Variants in CIAPIN1 observed in about 807,000 individuals in gnomAD.
CIAPIN1 encodes the protein cytokine induced apoptosis inhibitor 1.
In CIAPIN1, 18 loss-of-function variants were observed where a neutral mutation model predicts 34.3. The ratio of observed to expected loss-of-function variants is 0.52; its 90% CI spans 0.36 to 0.78. The LOEUF is 0.78. Among genes scored for constraint, CIAPIN1 ranks in the 30% least tolerant of loss-of-function variants. The pLI is 0.00. For synonymous variants in CIAPIN1, 131 were observed against 140.4 expected, an observed-to-expected ratio of 0.93 and a Z score of 0.47; for missense variants, 310 against 372.5, an observed-to-expected ratio of 0.83 and a Z score of 1.38.
At position 57,436,676 on chromosome 16, in the gene CIAPIN1, C is replaced by A; in HGVS notation, c.367G>T (p.Gly123Cys). 1 of 1,613,794 alleles carries A rather than the reference C, an allele frequency of 6.2e-7. No individual in the cohort carries two copies. The highest frequency in any genetic ancestry group is 8.5e-7 in the Non-Finnish European group (1 of 1,179,762). ...CGTACCTCTTTCACTTCCACAAGAC[C>A]AGAAAGAGTCAGGGCTGAACACAGC... ...SKLCSALTLS[G>C]LVEVKELQRE... is the part of the protein sequence containing the mutation. Residue 123 changes from glycine to cysteine, a missense_variant, in exon 4 of 9, where the codon GGT becomes TGT. Coordinates refer to ENST00000394391, the MANE Select transcript of CIAPIN1 (RefSeq NM_020313.4).
intron 1 of CIAPIN1, 109 bp downstream of exon 1, chr16:57,447,233 A>C: frequency 2.8e-6 from 1 of 361,852 alleles, no homozygotes; most frequent in Non-Finnish European, 4.9e-6. Flanking sequence ...CTGCGTTCCC[A>C]TCGAGGAACG....
At chr16:57,443,580 C>A (rs2029932995) in intron 1 of CIAPIN1, among the ~76,000 whole-genome samples, 1 of 152,214 alleles carries the variant, frequency 6.6e-6, no homozygotes, top group South Asian at 2.1e-4. Flanking sequence ...GCCTCAGCCT[C>A]CCAAGTAGCT....
intron 2 of CIAPIN1, among the ~76,000 whole-genome samples, chr16:57,440,270 T>C (rs537627990): frequency 1.3e-5 from 2 of 152,340 alleles, no homozygotes; most frequent in African/African-American, 2.4e-5. Context: ...CCTGATAAGA[T>C]GTTATCTATG....
chr16:57,431,271 A>G lies in CIAPIN1; in HGVS notation c.631-5T>C, dbSNP rs1376076378. ...CTCATCTGAGTCAATGAGATCCTGG[A>G]GAGTGTTCAAAGCAATGAGTGATAC... On this transcript the variant is annotated splice_region_variant and splice_polypyrimidine_tract_variant and intron_variant, in intron 6 of 8. Coordinates refer to ENST00000394391, the MANE Select transcript of CIAPIN1 (RefSeq NM_020313.4). 6.3e-7 allele frequency: 1 copy of G among 1,597,568 alleles called. No homozygotes were observed. The highest frequency in any genetic ancestry group is 1.7e-5 in the Admixed American group (1 of 59,938).
intron 1 of CIAPIN1, chr16:57,441,247 GGCAGAAAGATGATTT>G (rs372994626): frequency 2.2e-4 from 42 of 187,252 alleles, no homozygotes; most frequent in African/African-American, 9.6e-4. Flanking sequence ...GAAGGTTGGA[GGCAGAAAGATGATTT>G]CCTCTTTGAC....
In CIAPIN1 at chr16:57,439,267, G is replaced by C. The variant is rs1264034725; in HGVS notation, c.225C>G (p.His75Gln). ...CGATTTCAGCCAAAATCTCAGCACT[G>C]TGCAGAGTGGTGCTTCCTGGGACTA... ...SGLVPGSTTL[H>Q]SAEILAEIAR... Residue 75 changes from histidine (H) to glutamine (Q), a missense_variant, in exon 3 of 9, where the codon CAC becomes CAG. Physicochemically the swap from His to Gln is conservative, Grantham distance 24 (BLOSUM62 0). Coordinates refer to ENST00000394391, the MANE Select transcript of CIAPIN1 (RefSeq NM_020313.4). The C allele has an allele frequency of 1.2e-6, 2 of 1,614,162 alleles. No homozygotes were observed. Among genetic ancestry groups the C allele is most frequent in the East Asian group, 4.5e-5 (2 of 44,882 alleles).
chr16:57,444,222 T>A (rs1278738493), intron 1 of CIAPIN1, among the ~76,000 whole-genome samples: 1 of 152,208 alleles, frequency 6.6e-6, no homozygotes, highest in Admixed American at 6.5e-5. Context: ...TGACCATGGA[T>A]AAGTTACTAG....
At chr16:57,435,601 T>A (rs143042524) in intron 4 of CIAPIN1, among the ~76,000 whole-genome samples, 1 of 152,200 alleles carries the variant, frequency 6.6e-6, no homozygotes, top group Non-Finnish European at 1.5e-5. Context: ...GAGAACGGCC[T>A]GGCCAACATA....
At chr16:57,430,179 G>T in intron 8 of CIAPIN1, 79 bp downstream of exon 8, 4 of 1,201,710 alleles carry the variant, frequency 3.3e-6, no homozygotes, top group Non-Finnish European at 3.7e-6. Context: ...TTGAGGTGGA[G>T]CTTGTCTGTG....
chr16:57,442,231 A>T (rs1903348358), intron 1 of CIAPIN1, among the ~76,000 whole-genome samples: 1 of 151,698 alleles, frequency 6.6e-6, no homozygotes, highest in Non-Finnish European at 1.5e-5. Flanking sequence ...CTGTAATCCC[A>T]GCTACTCACG....
Position 57,440,803 on chromosome 16 carries a change from C to T in CIAPIN1, c.126G>A (p.Val42=). 6.2e-7 allele frequency: 1 copy of T among 1,613,732 alleles called. No individual in the cohort carries two copies. Among genetic ancestry groups the T allele is most frequent in the Non-Finnish European group, 8.5e-7 (1 of 1,179,774 alleles). ...LQALTGNEGR[V]SVENIKQLLQ... ...ACAGCTGCTTGATGTTTTCCACAGA[C>T]ACGCGGCCCTCATTGCCGGTTAACG... Residue 42 remains valine, a synonymous_variant, in exon 2 of 9, where the codon GTG becomes GTA. Transcript: ENST00000394391.
At position 57,431,240 on chromosome 16, in the gene CIAPIN1, C is replaced by T; in HGVS notation, c.657G>A (p.Leu219=). ...SMDLIDSDEL[L]DPEDLKKPDP... is the part of the protein sequence containing the mutation. ...CTGGCTTCTTCAAATCTTCTGGATCCAGCAGCTCATCTGAGTCAATGAGAT... is the reference window on the plus strand; with the variant it reads ...CTGGCTTCTTCAAATCTTCTGGATCTAGCAGCTCATCTGAGTCAATGAGAT... Residue 219 remains leucine (L), a synonymous_variant, in exon 7 of 9, where the codon CTG becomes CTA. Coordinates refer to ENST00000394391, the MANE Select transcript of CIAPIN1 (RefSeq NM_020313.4). The T allele has an allele frequency of 6.2e-7, 1 of 1,613,644 alleles. No individual in the cohort carries two copies. The highest frequency in any genetic ancestry group is 1.7e-4 in the Middle Eastern group (1 of 6,060).
At chr16:57,430,498 T>C in intron 7 of CIAPIN1, 159 bp from the exon 8 acceptor site, 2 of 644,590 alleles carry the variant, frequency 3.1e-6, no homozygotes, top group Non-Finnish European at 5.5e-6. Context: ...GAGAGGCTGC[T>C]GAGGGAGACA....
chr16:57,439,585 G>T (rs1393909030), intron 2 of CIAPIN1, among the ~76,000 whole-genome samples: 1 of 152,230 alleles, frequency 6.6e-6, no homozygotes, highest in Non-Finnish European at 1.5e-5. Context: ...CCCAAACGGA[G>T]GGACCGGCTG....
In CIAPIN1 at chr16:57,436,704, A is replaced by C; in HGVS notation, c.339T>G (p.Ser113=). ...VDNNSKVKTA[S]KLCSALTLSG... ...AAAGAGTCAGGGCTGAACACAGCTT[A>C]GATGCTGTCTTCACTTTGCTATTGT... The change falls in exon 4 of 9, where the codon TCT becomes TCG. Residue 113 remains serine (S), a synonymous_variant. Transcript: ENST00000394391. 6.2e-7 allele frequency: 1 copy of C among 1,613,986 alleles called. No individual in the cohort carries two copies.
Position 57,439,322 on chromosome 16 carries a change from T to G in CIAPIN1, c.170A>C (p.Glu57Ala), listed in dbSNP as rs1903274729. 6.2e-7 allele frequency: 1 copy of G among 1,614,188 alleles called. No individual in the cohort carries two copies. The highest frequency in any genetic ancestry group is 2.2e-5 in the East Asian group (1 of 44,888). Reference protein sequence around the residue: ...IKQLLQSAHKESSFDIILSGL... With the variant: ...IKQLLQSAHKASSFDIILSGL... ...TGACAAAATAATGTCAAAGCTGGATTCTTTGTGGGCAGCTGAAAAGAAGAG... is the reference window on the plus strand; with the variant it reads ...TGACAAAATAATGTCAAAGCTGGATGCTTTGTGGGCAGCTGAAAAGAAGAG... The change falls in exon 3 of 9, where the codon GAA becomes GCA. Residue 57 changes from glutamate (E) to alanine (A), a missense_variant. By Grantham distance (107) the Glu-to-Ala change is moderately radical. Transcript: ENST00000394391.
At chr16:57,432,212 G>T (rs1047190963) in intron 6 of CIAPIN1, among the ~76,000 whole-genome samples, 2 of 152,114 alleles carry the variant, frequency 1.3e-5, no homozygotes, top group African/African-American at 4.8e-5. Context: ...TACTTGGGAG[G>T]CTGAAACATG....
At chr16:57,436,582 T>G (rs1453492732) in intron 4 of CIAPIN1, 74 bp downstream of exon 4, 5 of 1,153,144 alleles carry the variant, frequency 4.3e-6, no homozygotes, top group Non-Finnish European at 6.5e-6. Context: ...GCACAGCATT[T>G]CTTGTTTCCT....
At chr16:57,437,599 T>C (rs546921881) in intron 3 of CIAPIN1, among the ~76,000 whole-genome samples, 2 of 152,070 alleles carry the variant, frequency 1.3e-5, no homozygotes, top group African/African-American at 2.4e-5. Context: ...TCTCAGCTCA[T>C]TGCAGCCTCG....
Sources: gnomAD v4.1 joint callset for allele counts (sites outside exome capture counted in the v4.1 genomes callset) on GRCh38, gnomAD v4.1.1 for gene constraint, MANE v1.5 for transcripts, NCBI Gene and HGNC (gene_info 2026-07-23, HGNC 2026-07-21) for gene names.